MAP2: variants seen among roughly 807,000 people sequenced by gnomAD.
MAP2 encodes the protein microtubule associated protein 2, also known as microtubule-associated protein 2.
MAP2 carries 14 observed loss-of-function variants against 137.6 expected under a neutral mutation model. That is an observed-to-expected ratio of 0.10 (90% confidence interval 0.07 to 0.16). MAP2 has a LOEUF of 0.16. MAP2 is among the 10% of genes least tolerant of loss of function. The pLI is 1.00. For synonymous variants in MAP2, 786 were observed against 782.3 expected (o/e 1.00, Z -0.08); for missense variants, 2,088 against 2,191.5 (o/e 0.95, Z 0.94).
chr2:209,613,305 T>C (rs2087699769), intron 3 of MAP2, among the ~76,000 whole-genome samples: 1 of 152,108 alleles, frequency 6.6e-6, no homozygotes, highest in Non-Finnish European at 1.5e-5. Flanking sequence ...TATAGCTGCA[T>C]GAGTTTTCTT....
At chr2:209,670,572 A>G (rs772530712) in intron 5 of MAP2, among the ~76,000 whole-genome samples, 1 of 151,954 alleles carries the variant, frequency 6.6e-6, no homozygotes, top group African/African-American at 2.4e-5. Flanking sequence ...CCAAATTTAA[A>G]TGCTAGGCCA....
chr2:209,713,076 A>T (rs2066065168), intron 13 of MAP2, among the ~76,000 whole-genome samples: 1 of 152,212 alleles, frequency 6.6e-6, no homozygotes, highest in Admixed American at 6.5e-5. Flanking sequence ...ATTAAAGAAG[A>T]TGGGAGTAAA....
At position 209,693,662 on chromosome 2, in the gene MAP2, T is replaced by C. The variant is rs1243722188; in HGVS notation, c.1492T>C (p.Ser498Pro). ...EPTTDMLKQD[S>P]FPVSLEQAVT... ...TACCACAGATATGTTGAAACAGGAC[T>C]CGTTCCCTGTAAGTTTGGAGCAAGC... The change falls in exon 8 of 16, where the codon TCG becomes CCG. Residue 498 changes from serine to proline, a missense_variant. Around this residue, in one of 6 missense-constraint regions of MAP2, gnomAD observed 859 missense variants for 794.5 expected, o/e 1.08. Coordinates refer to ENST00000682079, the MANE Select transcript of MAP2 (RefSeq NM_001375505.1). The C allele has an allele frequency of 6.2e-7, 1 of 1,613,832 alleles. No individual in the cohort carries two copies. Among genetic ancestry groups the C allele is most frequent in the Admixed American group, 1.7e-5 (1 of 59,992 alleles).
At position 209,700,309 on chromosome 2, in the gene MAP2, G is replaced by A. The variant is rs937533097; in HGVS notation, c.4555G>A (p.Val1519Ile). 2.5e-6 allele frequency: 4 copies of A among 1,613,632 alleles called. No homozygotes were observed. In the Admixed American group the frequency reaches 5.0e-5, roughly 20 times the overall value. Residue 1519 changes from valine (V) to isoleucine (I), a missense_variant, in exon 11 of 16, where the codon GTA (valine) becomes ATA (isoleucine). Physicochemically the swap from Val to Ile is conservative, Grantham distance 29 (BLOSUM62 3). Transcript: ENST00000682079. The stretch of plus-strand genomic sequence containing the variant: ...TGGGGAATCAGCTCTGGCTCCCAGT[G>A]TATTTAAACAGGCAAAGGACAAAGT... ...AGGESALAPS[V>I]FKQAKDKVSD...
intron 4 of MAP2, among the ~76,000 whole-genome samples, chr2:209,636,069 T>A (rs1480278738): frequency 6.6e-6 from 1 of 152,112 alleles, no homozygotes; most frequent in Non-Finnish European, 1.5e-5. Flanking sequence ...ACTCTTTTCT[T>A]TTATCACCCA....
chr2:209,630,508 T>C (rs2092886802), intron 4 of MAP2, among the ~76,000 whole-genome samples: 1 of 152,092 alleles, frequency 6.6e-6, no homozygotes, highest in Non-Finnish European at 1.5e-5. Context: ...GTGGTGCATA[T>C]ATAGTTGCCA....
intron 1 of MAP2, among the ~76,000 whole-genome samples, chr2:209,433,077 C>G (rs756348870): frequency 6.6e-6 from 1 of 152,010 alleles, no homozygotes; most frequent in Admixed American, 6.6e-5. Context: ...TTATTGGGTT[C>G]CTAATATTTA....
At chr2:209,513,903 C>A (rs2062085934) in intron 2 of MAP2, among the ~76,000 whole-genome samples, 1 of 152,038 alleles carries the variant, frequency 6.6e-6, no homozygotes, top group South Asian at 2.1e-4. Flanking sequence ...TGAGCTAATT[C>A]TTTGATAGTC....
chr2:209,495,401 C>T (rs1283287603), intron 1 of MAP2, among the ~76,000 whole-genome samples: 1 of 152,222 alleles, frequency 6.6e-6, no homozygotes, highest in Admixed American at 6.5e-5. Flanking sequence ...GAGATACCTC[C>T]CAGTAGGGGA....
intron 7 of MAP2, among the ~76,000 whole-genome samples, chr2:209,685,365 A>G (rs1184228042): frequency 6.6e-6 from 1 of 152,172 alleles, no homozygotes; most frequent in South Asian, 2.1e-4. Context: ...AGTGATCCAG[A>G]TGCACCTGCC....
intron 2 of MAP2, among the ~76,000 whole-genome samples, chr2:209,571,865 C>G (rs1258965191): frequency 6.6e-6 from 1 of 151,832 alleles, no homozygotes; most frequent in African/African-American, 2.4e-5. Flanking sequence ...TAAGAATAAC[C>G]TGTCTTTCTT....
intron 5 of MAP2, among the ~76,000 whole-genome samples, chr2:209,659,815 G>A (rs2042569326): frequency 6.6e-6 from 1 of 151,706 alleles, no homozygotes; most frequent in African/African-American, 2.4e-5. Flanking sequence ...GAGGCGGGTG[G>A]ATCACGAGGT....
At chr2:209,613,446 A>G (rs748644741) in intron 3 of MAP2, among the ~76,000 whole-genome samples, 60 of 152,306 alleles carry the variant, frequency 3.9e-4, no homozygotes, top group Non-Finnish European at 7.1e-4. Context: ...TCGTTAAGAA[A>G]GTGCCTCCAA....
intron 1 of MAP2, among the ~76,000 whole-genome samples, chr2:209,474,718 G>A (rs1453681997): frequency 1.3e-5 from 2 of 151,938 alleles, no homozygotes; most frequent in Admixed American, 1.3e-4. Flanking sequence ...GCTACTTAAA[G>A]CTCGAAATGG....
intron 1 of MAP2, among the ~76,000 whole-genome samples, chr2:209,506,643 T>G (rs993217558): frequency 1.3e-5 from 2 of 152,184 alleles, no homozygotes; most frequent in Admixed American, 1.3e-4. Flanking sequence ...TTCTTTATAC[T>G]TCCATTTGAC....
intron 12 of MAP2, among the ~76,000 whole-genome samples, chr2:209,709,593 GA>G (rs763497438): frequency 7.2e-5 from 11 of 151,994 alleles, no homozygotes; most frequent in Non-Finnish European, 1.6e-4. Context: ...ACTAAAGGCA[GA>G]TCCATTTGCC....
At chr2:209,697,138 T>A (rs748218467) in intron 10 of MAP2, 87 bp downstream of exon 10, 10 of 1,361,600 alleles carry the variant, frequency 7.3e-6, no homozygotes, top group African/African-American at 1.5e-5. Context: ...TTCTTCATTT[T>A]GTTTTTCTTC....
chr2:209,601,296 TATA>T (rs2082925800), intron 3 of MAP2, among the ~76,000 whole-genome samples: 1 of 152,160 alleles, frequency 6.6e-6, no homozygotes, highest in African/African-American at 2.4e-5. Context: ...TTTTTCAAGT[TATA>T]ATAATGTAGG....
rs544785001 is a variant in MAP2 at position 209,641,746 on chromosome 2, A to T, written c.-29-11396A>T. 2.6e-5 allele frequency among the ~76,000 whole-genome samples: 4 copies of T among 152,220 alleles called. No individual in the cohort carries two copies. In the East Asian group the frequency reaches 7.7e-4, roughly 29 times the overall value. On this transcript the variant is annotated intron_variant, in intron 4 of 15. Coordinates refer to ENST00000682079, the MANE Select transcript of MAP2 (RefSeq NM_001375505.1). Reference sequence around the variant, plus strand: ...CTGGTAGAGACTAAAGCTCTAAAGCATTTTAAATATTGTTTATATCTAATA... The same window carrying T: ...CTGGTAGAGACTAAAGCTCTAAAGCTTTTTAAATATTGTTTATATCTAATA...
Sources: gnomAD v4.1 joint callset for allele counts (sites outside exome capture counted in the v4.1 genomes callset) on GRCh38, gnomAD v4.1.1 for gene constraint, gnomAD v4.1.1 regional missense constraint, MANE v1.5 for transcripts, NCBI Gene and HGNC (gene_info 2026-07-23, HGNC 2026-07-21) for gene names.